PLCXD3: variants seen among roughly 807,000 people sequenced by gnomAD.
The protein encoded by PLCXD3 is phosphatidylinositol specific phospholipase C X domain containing 3.
PLCXD3 carries 19 observed loss-of-function variants against 25.5 expected under a neutral mutation model. The ratio of observed to expected loss-of-function variants is 0.75; its 90% confidence interval spans 0.52 to 1.09. The LOEUF is 1.09. Among genes scored for constraint, PLCXD3 ranks in the 50% least tolerant of loss-of-function variants. The pLI, the probability that PLCXD3 is intolerant of heterozygous loss-of-function variation, is 0.00. For synonymous variants in PLCXD3, 174 were observed against 137.6 expected, an observed-to-expected ratio of 1.26 and a Z score of -1.85; for missense variants, 411 against 388.1, an observed-to-expected ratio of 1.06 and a Z score of -0.50.
At chr5:41,356,877 G>A (rs985410079) in intron 2 of PLCXD3, among the ~76,000 whole-genome samples, 2 of 152,152 alleles carry the variant, frequency 1.3e-5, no homozygotes, top group African/African-American at 4.8e-5. Context: ...AAACAGGAAG[G>A]GCTCCATGGG....
In PLCXD3 at chr5:41,325,670, G is replaced by A. The variant is rs564460420; in HGVS notation, c.813-11900C>T. ...ATTAGGACATTGCTGGTTATACTTGGTGTTGGACAGGTAATAAGAATGAAC... is the reference window on the plus strand; with the variant it reads ...ATTAGGACATTGCTGGTTATACTTGATGTTGGACAGGTAATAAGAATGAAC... On this transcript the variant is annotated intron_variant, in intron 2 of 2. Coordinates refer to ENST00000377801, the MANE Select transcript of PLCXD3 (RefSeq NM_001005473.3). Among the ~76,000 whole-genome samples the A allele has an allele frequency of 2.0e-5, 3 of 152,238 alleles. No individual in the cohort carries two copies. In the East Asian group the frequency reaches 5.8e-4, roughly 29 times the overall value.
In PLCXD3 at chr5:41,358,311, T is replaced by G. The variant is rs1278796503; in HGVS notation, c.812+23515A>C. On this transcript the variant is annotated intron_variant, in intron 2 of 2. Transcript: ENST00000377801. ...TTGGGCTACTTATTTTTTTTATTTC[T>G]TTTATATTTCAGTAGGTTTTTGGGG... Among the ~76,000 whole-genome samples, 4 of 152,298 alleles carry G rather than the reference T, an allele frequency of 2.6e-5. No homozygotes were observed. In the East Asian group the frequency reaches 7.7e-4, roughly 29 times the overall value.
At chr5:41,441,897 A>T (rs2150511812) in intron 1 of PLCXD3, among the ~76,000 whole-genome samples, 1 of 152,322 alleles carries the variant, frequency 6.6e-6, no homozygotes, top group East Asian at 1.9e-4. Flanking sequence ...ACATCAGAAA[A>T]AATTTTAACT....
At chr5:41,395,355 G>A (rs1745970486) in intron 1 of PLCXD3, among the ~76,000 whole-genome samples, 1 of 151,934 alleles carries the variant, frequency 6.6e-6, no homozygotes, top group African/African-American at 2.4e-5. Context: ...ATAGCTATAA[G>A]TGCCTACATC....
chr5:41,502,723 A>C (rs1444640027), intron 1 of PLCXD3, among the ~76,000 whole-genome samples: 5 of 152,162 alleles, frequency 3.3e-5, no homozygotes, highest in Admixed American at 2.6e-4. Context: ...CATCCATTGA[A>C]GTTTTCTGGG....
chr5:41,461,204 A>T (rs1056089152), intron 1 of PLCXD3, among the ~76,000 whole-genome samples: 1 of 152,030 alleles, frequency 6.6e-6, no homozygotes, highest in Admixed American at 6.6e-5. Context: ...CAGCAGAGAA[A>T]ATCAACAGGG....
chr5:41,419,541 A>G (rs1427144394), intron 1 of PLCXD3, among the ~76,000 whole-genome samples: 1 of 152,192 alleles, frequency 6.6e-6, no homozygotes, highest in Non-Finnish European at 1.5e-5. Context: ...GCTCCATGTT[A>G]ACCATGAAGC....
intron 2 of PLCXD3, among the ~76,000 whole-genome samples, chr5:41,351,120 A>G (rs1168929523): frequency 1.3e-5 from 2 of 152,212 alleles, no homozygotes; most frequent in Non-Finnish European, 2.9e-5. Context: ...ACAAATCCTC[A>G]GAGCAGATAC....
chr5:41,374,052 A>T (rs1341133733), intron 2 of PLCXD3, among the ~76,000 whole-genome samples: 1 of 152,060 alleles, frequency 6.6e-6, no homozygotes, highest in Non-Finnish European at 1.5e-5. Context: ...TGTAGCTTAG[A>T]TTTAAGGAAG....
intron 1 of PLCXD3, among the ~76,000 whole-genome samples, chr5:41,394,060 A>G (rs1206704457): frequency 6.6e-6 from 1 of 152,234 alleles, no homozygotes; most frequent in Admixed American, 6.5e-5. Flanking sequence ...TGATGAACCA[A>G]TGAAAAATAA....
intron 2 of PLCXD3, among the ~76,000 whole-genome samples, chr5:41,326,047 T>G (rs1281935345): frequency 6.6e-6 from 1 of 152,162 alleles, no homozygotes; most frequent in African/African-American, 2.4e-5. Context: ...AGTCCTCACT[T>G]CTTAATGCCA....
chr5:41,471,430 T>G (rs537639342), intron 1 of PLCXD3, among the ~76,000 whole-genome samples: 1 of 152,238 alleles, frequency 6.6e-6, no homozygotes, highest in South Asian at 2.1e-4. Context: ...AAAACTCGGT[T>G]TCCCTCAGCT....
intron 2 of PLCXD3, among the ~76,000 whole-genome samples, chr5:41,354,829 T>C (rs1744573305): frequency 6.6e-6 from 1 of 152,210 alleles, no homozygotes; most frequent in Non-Finnish European, 1.5e-5. Flanking sequence ...AATCCTTTAA[T>C]TTGTCTTCAC....
chr5:41,398,535 C>T (rs575535838), intron 1 of PLCXD3, among the ~76,000 whole-genome samples: 1 of 152,060 alleles, frequency 6.6e-6, no homozygotes, highest in African/African-American at 2.4e-5. Context: ...ACATAATGAC[C>T]AAGAGGGATT....
chr5:41,424,192 G>T (rs1004413624), intron 1 of PLCXD3, among the ~76,000 whole-genome samples: 5 of 151,742 alleles, frequency 3.3e-5, no homozygotes, highest in African/African-American at 1.2e-4. Flanking sequence ...TAACTTTTGG[G>T]TTAGATGATT....
chr5:41,407,014 G>T (rs1406100922), intron 1 of PLCXD3, among the ~76,000 whole-genome samples: 1 of 152,094 alleles, frequency 6.6e-6, no homozygotes, highest in Admixed American at 6.5e-5. Context: ...CTGGAGCCTG[G>T]TCATCTGCTG....
At chr5:41,442,634 T>A (rs531890886) in intron 1 of PLCXD3, among the ~76,000 whole-genome samples, 1 of 152,272 alleles carries the variant, frequency 6.6e-6, no homozygotes, top group Admixed American at 6.5e-5. Flanking sequence ...TTTTCCAACA[T>A]CCAAAAGTAA....
At chr5:41,429,560 C>A (rs76143500) in intron 1 of PLCXD3, among the ~76,000 whole-genome samples, 1 of 152,050 alleles carries the variant, frequency 6.6e-6, no homozygotes, top group Non-Finnish European at 1.5e-5. Flanking sequence ...GGGATTTCTA[C>A]GTCACTGAAT....
intron 2 of PLCXD3, among the ~76,000 whole-genome samples, chr5:41,328,728 G>A (rs1743704524): frequency 6.6e-6 from 1 of 152,174 alleles, no homozygotes; most frequent in Non-Finnish European, 1.5e-5. Flanking sequence ...GAAGCCACAA[G>A]AATGAAGAGA....
Sources: gnomAD v4.1 joint callset for allele counts (sites outside exome capture counted in the v4.1 genomes callset) on GRCh38, gnomAD v4.1.1 for gene constraint, MANE v1.5 for transcripts, NCBI Gene and HGNC (gene_info 2026-07-23, HGNC 2026-07-21) for gene names.